The following INTS1 variants were observed in gnomAD, a reference collection of about 807,000 sequenced individuals.
The protein encoded by INTS1 is integrator complex subunit 1.
INTS1 carries 137 observed loss-of-function variants against 241.6 expected under a neutral mutation model. That is an observed-to-expected ratio of 0.57 (90% confidence interval 0.49 to 0.65). The LOEUF is 0.65. Ranked by LOEUF, INTS1 falls within the 30% of genes least tolerant of loss-of-function variation. The pLI is 0.00. For missense variants in INTS1, 3,073 were observed against 3,032.2 expected (o/e 1.01, Z -0.32); for synonymous variants, 1,692 against 1,337.8 (o/e 1.26, Z -5.78).
At chr7:1,480,659 G>A (rs956393071) in intron 29 of INTS1, among the ~76,000 whole-genome samples, 176 bp downstream of exon 29, 1 of 152,182 alleles carries the variant, frequency 6.6e-6, no homozygotes, top group African/African-American at 2.4e-5. Flanking sequence ...AGAGGCAAAT[G>A]CTGCCCAAAG....
intron 31 of INTS1, 33 bp from the exon 32 acceptor site, chr7:1,478,918 G>A: frequency 6.3e-7 from 1 of 1,577,892 alleles, no homozygotes; most frequent in Non-Finnish European, 8.7e-7. Context: ...GGCTACCCTG[G>A]CAGAGGACAC....
At chr7:1,479,707 C>G (rs1462477199) in intron 30 of INTS1, 23 bp from the exon 31 acceptor site, 2 of 1,451,274 alleles carry the variant, frequency 1.4e-6, no homozygotes, top group East Asian at 5.1e-5. Context: ...AGGCCAGTGT[C>G]AGGAGGAAGC....
chr7:1,482,367 T>TC, intron 27 of INTS1, 179 bp downstream of exon 27: 1 of 545,102 alleles, frequency 1.8e-6, no homozygotes, highest in East Asian at 3.1e-5. Context: ...CTAGGTCTCC[T>TC]CCCAGGGTCC....
intron 26 of INTS1, 22 bp downstream of exon 26, chr7:1,483,720 C>T (rs757586566): frequency 1.9e-6 from 3 of 1,595,076 alleles, no homozygotes; most frequent in East Asian, 4.5e-5. Flanking sequence ...AGCTGCCCCT[C>T]CCGGGGCCTG....
Position 1,477,868 on chromosome 7 carries a change from T to G in INTS1, c.4699A>C (p.Thr1567Pro), listed in dbSNP as rs774057230. Reference protein sequence around the residue: ...EELLTAFFSATADAASPFPAC... With the variant: ...EELLTAFFSAPADAASPFPAC... ...GGAAACGGGGAGGCAGCATCCGCAG[T>G]GGCAGAGAAGAATGCAGTCAGCAGC... The change falls in exon 34 of 48, where the codon ACT becomes CCT. Residue 1567 changes from threonine (T) to proline (P), a missense_variant. Transcript: ENST00000404767. 3.1e-6 allele frequency: 5 copies of G among 1,612,562 alleles called. 1 individual carries two copies. The South Asian group carries it at 5.5e-5, about 18-fold the overall frequency.
chr7:1,476,604 C>G lies in INTS1; in HGVS notation c.5117G>C (p.Arg1706Pro). The change falls in exon 37 of 48, where the codon CGC becomes CCC. Residue 1706 changes from arginine to proline, a missense_variant. Transcript: ENST00000404767. ...GCGCTGGTCCCGCCCCTGCCAGATG[C>G]GAGGAACATGGATGCAGGCCCAGAG... Reference protein sequence around the residue: ...DFLWACIHVPRIWQGRDQRTP... With the variant: ...DFLWACIHVPPIWQGRDQRTP... 2 of 1,612,194 alleles carry G rather than the reference C, an allele frequency of 1.2e-6. No homozygotes were observed. Among genetic ancestry groups the G allele is most frequent in the Non-Finnish European group, 1.7e-6 (2 of 1,179,726 alleles).
chr7:1,484,302 A>C, intron 24 of INTS1, 132 bp from the exon 25 acceptor site: 2 of 950,710 alleles, frequency 2.1e-6, no homozygotes, highest in Non-Finnish European at 3.1e-6. Context: ...ACCCTCACTC[A>C]GCCGCAGGCC....
chr7:1,499,670 G>A (rs371951413), intron 5 of INTS1, 38 bp from the exon 6 acceptor site: 126 of 1,563,218 alleles, frequency 8.1e-5, no homozygotes, highest in South Asian at 3.0e-4. Flanking sequence ...GAGCCCAGCC[G>A]GGCAGCAGCC....
intron 43 of INTS1, among the ~76,000 whole-genome samples, chr7:1,472,666 C>T (rs77121977): frequency 0.028 from 4,201 of 152,282 alleles, 207 homozygotes; most frequent in African/African-American, 0.096. Flanking sequence ...CCGGGCCTGG[C>T]GCTCTTCCGG....
rs2304356 is a variant in INTS1, at chr7:1,493,974, G to C, written c.1911-63C>G. The C allele has an allele frequency of 1.3e-6, 2 of 1,503,366 alleles. No homozygotes were observed. The highest frequency in any genetic ancestry group is 2.6e-5 in the South Asian group (2 of 78,320). The allele number at this position is 1,503,366 out of a possible 1,614,324, so 93.1% of individuals were successfully genotyped here. On this transcript the variant is annotated intron_variant, in intron 14 of 47. Coordinates refer to ENST00000404767, the MANE Select transcript of INTS1 (RefSeq NM_001080453.3). This position sits in a 1 kb window ranked among gnomAD's most constrained non-coding sequence, Gnocchi z 5.3. ...CCACACCTGCCAGACCTGAGGGGCC[G>C]AGGACAGGCCAGCTTCTCCCTCAGA...
At chr7:1,486,453 C>A (rs764698258) in intron 22 of INTS1, among the ~76,000 whole-genome samples, 172 bp downstream of exon 22, 1 of 150,548 alleles carries the variant, frequency 6.6e-6, no homozygotes, top group Admixed American at 6.6e-5. Context: ...TTAATAGAGA[C>A]GGGATTTCAC....
chr7:1,477,059 G>A, intron 35 of INTS1, 141 bp from the exon 36 acceptor site: 3 of 1,068,848 alleles, frequency 2.8e-6, no homozygotes, highest in Non-Finnish European at 4.0e-6. Flanking sequence ...CCGTCATGGT[G>A]CTGGAGGGCC....
At chr7:1,487,173 C>T (rs1008890100) in intron 20 of INTS1, 72 bp from the exon 21 acceptor site, 15 of 1,519,586 alleles carry the variant, frequency 9.9e-6, no homozygotes, top group Middle Eastern at 3.4e-4. Flanking sequence ...CCCGGGTGAC[C>T]GCGGAGCCGG....
intron 3 of INTS1, among the ~76,000 whole-genome samples, chr7:1,501,561 A>G (rs1783183656): frequency 6.6e-6 from 1 of 152,010 alleles, no homozygotes; most frequent in South Asian, 2.1e-4. Context: ...TTTCATAACC[A>G]CGTCTCCTCT....
rs1009897039 is a variant in INTS1 at position 1,497,860 on chromosome 7, C to T, written c.1426-546G>A. ...CCGCTTCAAAGGAGACACGGAAATC[C>T]AAGGGTCCTACAGCCAGGGCTACAG... is the stretch of plus-strand genomic sequence containing the variant. On this transcript the variant is annotated intron_variant, in intron 10 of 47. Coordinates refer to ENST00000404767, the MANE Select transcript of INTS1 (RefSeq NM_001080453.3). This position sits in a 1 kb window ranked among gnomAD's most constrained non-coding sequence, Gnocchi z 5.3. Among the ~76,000 whole-genome samples the T allele has an allele frequency of 2.6e-5, 4 of 152,238 alleles. No individual in the cohort carries two copies. Among genetic ancestry groups the T allele is most frequent in the Non-Finnish European group, 5.9e-5 (4 of 68,050 alleles).
Position 1,486,486 on chromosome 7 carries a change from A to C in INTS1, c.2976+139T>G. On this transcript the variant is annotated intron_variant, in intron 22 of 47. Coordinates refer to ENST00000404767, the MANE Select transcript of INTS1 (RefSeq NM_001080453.3). ...CACCATGTTGGCCAGGCTGGTCTCC[A>C]ACTCCTGACCTCAGGTAATCTGCCT... 3.2e-6 allele frequency: 3 copies of C among 937,888 alleles called. No homozygotes were observed. The South Asian group carries it at 5.3e-5, about 17-fold the overall frequency. The allele number at this position is 937,888 out of a possible 1,614,324, so 58.1% of individuals were successfully genotyped here.
chr7:1,495,607 T>A, intron 12 of INTS1, 54 bp from the exon 13 acceptor site: 1 of 1,571,530 alleles, frequency 6.4e-7, no homozygotes, highest in Non-Finnish European at 8.6e-7. Flanking sequence ...CATGAGGGGC[T>A]AAGGCACCCC....
At chr7:1,480,031 A>C (rs932643692) in intron 30 of INTS1, among the ~76,000 whole-genome samples, 2 of 152,226 alleles carry the variant, frequency 1.3e-5, no homozygotes, top group Non-Finnish European at 2.9e-5. Context: ...TGTACACATC[A>C]AACCGGGTGC....
At position 1,487,501 on chromosome 7, in the gene INTS1, C is replaced by A; in HGVS notation, c.2517-52G>T. On this transcript the variant is annotated intron_variant, in intron 19 of 47. Coordinates refer to ENST00000404767, the MANE Select transcript of INTS1 (RefSeq NM_001080453.3). The stretch of plus-strand genomic sequence containing the variant: ...TCAGCACGCCCTGAGCGGATCACCC[C>A]CAGAACCCCTCCTCCTCCCATCCCT... 13 of 1,579,656 alleles carry A rather than the reference C, an allele frequency of 8.2e-6. No homozygotes were observed. In the South Asian group the frequency reaches 1.5e-4, roughly 18 times the overall value.
Sources: gnomAD v4.1 joint callset for allele counts (sites outside exome capture counted in the v4.1 genomes callset) on GRCh38, gnomAD v4.1.1 for gene constraint, Gnocchi (gnomAD v3.1) non-coding constraint, MANE v1.5 for transcripts, NCBI Gene and HGNC (gene_info 2026-07-23, HGNC 2026-07-21) for gene names.